The following PHKB variants were observed in gnomAD, a reference collection of about 807,000 sequenced individuals.
PHKB encodes phosphorylase b kinase regulatory subunit beta.
A neutral mutation model predicts 152.1 loss-of-function variants in PHKB; 122 were observed. That is an observed-to-expected ratio of 0.80 (90% confidence interval 0.69 to 0.93). PHKB has a LOEUF of 0.93. PHKB is among the 40% of genes least tolerant of loss of function. The pLI is 0.00. For synonymous variants in PHKB, 436 were observed against 464.9 expected, an observed-to-expected ratio of 0.94 and a Z score of 0.80; for missense variants, 1,304 against 1,328.4, an observed-to-expected ratio of 0.98 and a Z score of 0.29.
chr16:47,502,215 T>C (rs1000274802), intron 3 of PHKB, among the ~76,000 whole-genome samples: 2 of 152,156 alleles, frequency 1.3e-5, no homozygotes, highest in Non-Finnish European at 2.9e-5. Context: ...ATCACTTTTA[T>C]TTTTTAGTAG....
At chr16:47,679,514 T>C (rs1223985980) in intron 26 of PHKB, among the ~76,000 whole-genome samples, 3 of 152,204 alleles carry the variant, frequency 2.0e-5, no homozygotes, top group African/African-American at 7.2e-5. Flanking sequence ...TCCTAGGTAT[T>C]TTATTCTCTT....
chr16:47,660,369 A>G, intron 20 of PHKB, 137 bp from the exon 21 acceptor site: 2 of 701,766 alleles, frequency 2.8e-6, no homozygotes, highest in Non-Finnish European at 2.5e-6. Context: ...TGTTCATTTA[A>G]GAATTGCTTC....
Position 47,461,399 on chromosome 16 carries a change from G to C in PHKB, c.49G>C (p.Glu17Gln), listed in dbSNP as rs1382684907. The change falls in exon 1 of 31, where the codon GAG becomes CAG. Residue 17 changes from glutamate (E) to glutamine (Q), a missense_variant. By Grantham distance (29) the Glu-to-Gln change is conservative (BLOSUM62 2). Coordinates refer to ENST00000323584, the MANE Select transcript of PHKB (RefSeq NM_000293.3). ...LTAEVSWKVLERRARTKRSGS... is the reference protein window; with the variant it reads ...LTAEVSWKVLQRRARTKRSGS... Reference sequence around the variant, plus strand: ...GGCAGAAGTGAGCTGGAAGGTCTTGGAGCGAAGAGCTCGGACCAAGCGCTC... The same window carrying C: ...GGCAGAAGTGAGCTGGAAGGTCTTGCAGCGAAGAGCTCGGACCAAGCGCTC... 6.2e-7 allele frequency: 1 copy of C among 1,613,254 alleles called. No homozygotes were observed. Among genetic ancestry groups the C allele is most frequent in the Admixed American group, 1.7e-5 (1 of 60,014 alleles).
At chr16:47,533,331 A>T (rs980366205) in intron 6 of PHKB, among the ~76,000 whole-genome samples, 1 of 152,130 alleles carries the variant, frequency 6.6e-6, no homozygotes, top group East Asian at 1.9e-4. Flanking sequence ...CCCAGTCCAC[A>T]GGACTGGCAG....
intron 6 of PHKB, among the ~76,000 whole-genome samples, chr16:47,533,582 C>T (rs1970899999): frequency 1.3e-5 from 2 of 152,194 alleles, no homozygotes; most frequent in East Asian, 3.9e-4. Flanking sequence ...CATGTTTGCA[C>T]CGCCCTGAGC....
At position 47,589,073 on chromosome 16, in the gene PHKB, A is replaced by G; in HGVS notation, c.1039A>G (p.Arg347Gly). The G allele has an allele frequency of 6.2e-7, 1 of 1,612,974 alleles. No homozygotes were observed. Among genetic ancestry groups the G allele is most frequent in the Non-Finnish European group, 8.5e-7 (1 of 1,179,012 alleles). ...TAGAACATCATTGGAAGATCCCAAC[A>G]GATGCTACTACAAGCCAGCTGAAAT... ...GYRTSLEDPN[R>G]CYYKPAEIKL... The change falls in exon 10 of 31, where the codon AGA (arginine) becomes GGA (glycine). Residue 347 changes from arginine (R) to glycine (G), a missense_variant. By Grantham distance (125) the Arg-to-Gly change is moderately radical. Coordinates refer to ENST00000323584, the MANE Select transcript of PHKB (RefSeq NM_000293.3).
chr16:47,471,530 A>G (rs1969767692), intron 1 of PHKB, among the ~76,000 whole-genome samples: 2 of 152,214 alleles, frequency 1.3e-5, no homozygotes, highest in Admixed American at 1.3e-4. Flanking sequence ...ACCTGGCACC[A>G]TGCTGGGTGC....
chr16:47,472,535 C>G (rs565108258), intron 1 of PHKB, among the ~76,000 whole-genome samples: 132 of 152,216 alleles, frequency 8.7e-4, no homozygotes, highest in African/African-American at 2.9e-3. Context: ...GTAATCGCAG[C>G]ACTTTGGGAG....
At chr16:47,552,074 A>G (rs748678879) in intron 7 of PHKB, among the ~76,000 whole-genome samples, 1 of 151,174 alleles carries the variant, frequency 6.6e-6, no homozygotes, top group Non-Finnish European at 1.5e-5. Context: ...CTTGGTAAAT[A>G]CTCCTCCATC....
intron 13 of PHKB, among the ~76,000 whole-genome samples, chr16:47,607,677 T>C (rs1294587682): frequency 6.6e-6 from 1 of 152,182 alleles, no homozygotes; most frequent in African/African-American, 2.4e-5. Context: ...TATTTTTCAT[T>C]TCTCTTGGGT....
At chr16:47,545,229 A>G (rs968351772) in intron 6 of PHKB, among the ~76,000 whole-genome samples, 5 of 152,068 alleles carry the variant, frequency 3.3e-5, no homozygotes, top group Admixed American at 6.6e-5. Flanking sequence ...AGTGGCTTGT[A>G]CTGGTTGTTC....
intron 1 of PHKB, among the ~76,000 whole-genome samples, chr16:47,495,881 T>G (rs1970223474): frequency 6.6e-6 from 1 of 152,192 alleles, no homozygotes. Flanking sequence ...TGAATACTCT[T>G]GTAAGAAAAT....
intron 8 of PHKB, among the ~76,000 whole-genome samples, 172 bp from the exon 9 acceptor site, chr16:47,587,496 G>A (rs1014815108): frequency 6.6e-5 from 10 of 152,106 alleles, no homozygotes; most frequent in Admixed American, 5.2e-4. Flanking sequence ...AATGTTTATT[G>A]CAGGATATTT....
chr16:47,642,690 G>A (rs754664215), intron 16 of PHKB, among the ~76,000 whole-genome samples: 9 of 152,120 alleles, frequency 5.9e-5, no homozygotes, highest in Admixed American at 1.3e-4. Flanking sequence ...TCCAGTATCA[G>A]GCCTGGATCT....
chr16:47,560,065 A>G (rs1418202815), intron 7 of PHKB, among the ~76,000 whole-genome samples: 1 of 152,210 alleles, frequency 6.6e-6, no homozygotes, highest in African/African-American at 2.4e-5. Context: ...GTGATATGCT[A>G]GGCTGCAGAT....
chr16:47,517,854 T>C (rs1195403860), intron 6 of PHKB, among the ~76,000 whole-genome samples: 1 of 152,206 alleles, frequency 6.6e-6, no homozygotes, highest in African/African-American at 2.4e-5. Context: ...GCCTTCAATA[T>C]GTACACTTAA....
intron 6 of PHKB, among the ~76,000 whole-genome samples, chr16:47,534,515 A>T (rs1016736748): frequency 6.6e-6 from 1 of 152,220 alleles, no homozygotes; most frequent in Non-Finnish European, 1.5e-5. Flanking sequence ...AAATGTAGAA[A>T]TAAAGAGGGA....
chr16:47,644,232 G>A, intron 16 of PHKB, among the ~76,000 whole-genome samples: 1 of 152,184 alleles, frequency 6.6e-6, no homozygotes, highest in Non-Finnish European at 1.5e-5. Context: ...TTTCAGTGCA[G>A]CTATGCAAAA....
chr16:47,644,807 G>C (rs1286675125), intron 16 of PHKB, among the ~76,000 whole-genome samples: 1 of 152,196 alleles, frequency 6.6e-6, no homozygotes. Flanking sequence ...TTGAGGAAAT[G>C]ATTGACAAAT....
Sources: allele counts gnomAD v4.1 joint callset (sites outside exome capture counted in the v4.1 genomes callset), GRCh38; gene constraint gnomAD v4.1.1; transcripts MANE v1.5; gene names NCBI Gene and HGNC (gene_info 2026-07-23, HGNC 2026-07-21).